Variants in GRIK4 observed in about 807,000 individuals in gnomAD.
GRIK4 encodes the protein glutamate ionotropic receptor kainate type subunit 4.
Under a neutral mutation model 104.9 loss-of-function variants are expected in GRIK4, and 40 were observed. That is an observed-to-expected ratio of 0.38 (90% CI 0.30 to 0.50). The LOEUF (loss-of-function observed/expected upper bound fraction) is 0.50, where lower values mean the gene tolerates loss of function less well. GRIK4 is among the 20% of genes least tolerant of loss of function. The probability of loss-of-function intolerance (pLI) is 0.93; values close to 1 mark genes in which losing one functional copy is unlikely to be tolerated. For missense variants in GRIK4, 1,047 were observed against 1,308.1 expected (o/e 0.80, Z 3.08); for synonymous variants, 485 against 524.9 (o/e 0.92, Z 1.04).
At chr11:120,634,030 G>A (rs141875486) in intron 1 of GRIK4, among the ~76,000 whole-genome samples, 298 of 152,302 alleles carry the variant, frequency 2.0e-3, no homozygotes, top group African/African-American at 6.1e-3. Flanking sequence ...TGTTGTTTCC[G>A]CTTATGAGCA....
chr11:120,568,650 A>G (rs1948360853), intron 1 of GRIK4, among the ~76,000 whole-genome samples: 1 of 152,100 alleles, frequency 6.6e-6, no homozygotes, highest in South Asian at 2.1e-4. Context: ...GGCCCCCCAA[A>G]GTGCTGGGAT....
At chr11:120,636,570 G>A (rs1421084911) in intron 1 of GRIK4, among the ~76,000 whole-genome samples, 6 of 152,258 alleles carry the variant, frequency 3.9e-5, no homozygotes, top group Admixed American at 1.3e-4. Flanking sequence ...GGCCAGGCAC[G>A]GTGGCTCACA....
At chr11:120,822,786 C>T (rs1953160435) in intron 6 of GRIK4, among the ~76,000 whole-genome samples, 1 of 152,174 alleles carries the variant, frequency 6.6e-6, no homozygotes, top group Admixed American at 6.5e-5. Flanking sequence ...CTATTTCCTC[C>T]TAGTGGAGGA....
intron 3 of GRIK4, among the ~76,000 whole-genome samples, chr11:120,736,011 G>C (rs955746837): frequency 6.6e-6 from 1 of 152,102 alleles, no homozygotes; most frequent in African/African-American, 2.4e-5. Flanking sequence ...CCAAGAGCCT[G>C]TTTGGTGCTC....
intron 1 of GRIK4, among the ~76,000 whole-genome samples, chr11:120,616,905 CT>C (rs1415537855): frequency 1.3e-5 from 2 of 152,162 alleles, no homozygotes; most frequent in African/African-American, 4.8e-5. Flanking sequence ...GGCTTTTGCC[CT>C]GGGGTTCCTT....
intron 3 of GRIK4, among the ~76,000 whole-genome samples, chr11:120,795,098 G>A (rs1374973988): frequency 6.6e-6 from 1 of 152,100 alleles, no homozygotes; most frequent in Non-Finnish European, 1.5e-5. Flanking sequence ...GGCTCTATCC[G>A]GCTGAGCCAA....
At chr11:120,907,095 G>C (rs1334253213) in intron 13 of GRIK4, among the ~76,000 whole-genome samples, 1 of 152,228 alleles carries the variant, frequency 6.6e-6, no homozygotes, top group Non-Finnish European at 1.5e-5. Flanking sequence ...AAGAGGATTT[G>C]TGGCTTTCTC....
chr11:120,798,941 C>G (rs574651412), intron 3 of GRIK4, among the ~76,000 whole-genome samples: 27 of 152,294 alleles, frequency 1.8e-4, no homozygotes, highest in African/African-American at 6.5e-4. Context: ...ACAGCACACT[C>G]TTGAATGTTT....
intron 3 of GRIK4, among the ~76,000 whole-genome samples, chr11:120,801,289 T>A (rs948642368): frequency 3.3e-5 from 5 of 152,160 alleles, no homozygotes; most frequent in Non-Finnish European, 5.9e-5. Flanking sequence ...GCAATGACAC[T>A]GTCTCAGCTC....
At chr11:120,694,530 C>G (rs1375714927) in intron 3 of GRIK4, among the ~76,000 whole-genome samples, 1 of 152,232 alleles carries the variant, frequency 6.6e-6, no homozygotes, top group Admixed American at 6.5e-5. Flanking sequence ...CACCCACCCC[C>G]CAACCCAACC....
chr11:120,978,477 T>C (rs1944598424), intron 19 of GRIK4, among the ~76,000 whole-genome samples: 1 of 152,160 alleles, frequency 6.6e-6, no homozygotes, highest in Non-Finnish European at 1.5e-5. Flanking sequence ...GCAACGATGC[T>C]GTGTGCTGGG....
chr11:120,729,470 A>G (rs140690650), intron 3 of GRIK4, among the ~76,000 whole-genome samples: 75 of 152,252 alleles, frequency 4.9e-4, no homozygotes, highest in African/African-American at 1.4e-3. Flanking sequence ...GGGTGAGATG[A>G]TATCTTGCTG....
intron 3 of GRIK4, among the ~76,000 whole-genome samples, chr11:120,789,476 C>T (rs1952353799): frequency 6.6e-6 from 1 of 152,086 alleles, no homozygotes; most frequent in Non-Finnish European, 1.5e-5. Context: ...CCCTCACTAC[C>T]TGTCTCATTT....
intron 1 of GRIK4, among the ~76,000 whole-genome samples, chr11:120,518,053 C>G (rs1375369819): frequency 6.6e-6 from 1 of 152,172 alleles, no homozygotes; most frequent in Non-Finnish European, 1.5e-5. Flanking sequence ...TCCCTGTTCT[C>G]CAGCCTGGGG....
intron 3 of GRIK4, among the ~76,000 whole-genome samples, chr11:120,665,038 C>T (rs558195734): frequency 2.6e-5 from 4 of 151,998 alleles, no homozygotes; most frequent in Non-Finnish European, 5.9e-5. Context: ...TTGGTTTCCC[C>T]CCAATGAGCT....
intron 3 of GRIK4, among the ~76,000 whole-genome samples, chr11:120,717,346 G>A (rs1434539347): frequency 3.3e-5 from 5 of 152,166 alleles, no homozygotes; most frequent in African/African-American, 1.2e-4. Context: ...ACAGTATCAC[G>A]AGGTGAGATG....
chr11:120,642,525 TG>T (rs1213191942), intron 1 of GRIK4, among the ~76,000 whole-genome samples: 3 of 150,552 alleles, frequency 2.0e-5, no homozygotes, highest in Non-Finnish European at 4.4e-5. Flanking sequence ...CTATGCTAGG[TG>T]GTCCCCAAGC....
At chr11:120,516,273 C>T (rs1947723067) in intron 1 of GRIK4, among the ~76,000 whole-genome samples, 1 of 152,052 alleles carries the variant, frequency 6.6e-6, no homozygotes, top group South Asian at 2.1e-4. Flanking sequence ...GTTGATTGCA[C>T]CTGCCACCAG....
rs2136076056 is a variant in GRIK4 at position 120,524,316 on chromosome 11, TG to T, written c.-159+12430del. Reference sequence around the variant, plus strand: ...CGGCTGCTTTGGTGAGCCGCTTGTCTGCAGAGGCCCTGGACTCTGGAGCCCT... The same window carrying T: ...CGGCTGCTTTGGTGAGCCGCTTGTCTCAGAGGCCCTGGACTCTGGAGCCCT... On this transcript the variant is annotated intron_variant, in intron 1 of 20. Transcript: ENST00000527524. The surrounding 1 kb of genome is among the most constrained non-coding windows in gnomAD (Gnocchi z 4.5). Among the ~76,000 whole-genome samples the T allele has an allele frequency of 6.6e-6, 1 of 152,302 alleles. No individual in the cohort carries two copies. Among genetic ancestry groups the T allele is most frequent in the South Asian group, 2.1e-4 (1 of 4,820 alleles).
Sources: allele counts gnomAD v4.1 joint callset (sites outside exome capture counted in the v4.1 genomes callset), GRCh38; gene constraint gnomAD v4.1.1; non-coding constraint Gnocchi (gnomAD v3.1); transcripts MANE v1.5; gene names NCBI Gene and HGNC (gene_info 2026-07-23, HGNC 2026-07-21).